The following ELMO1 variants were observed in gnomAD, a reference collection of about 807,000 sequenced individuals.
ELMO1 encodes the protein engulfment and cell motility 1.
ELMO1 carries 26 observed loss-of-function variants against 98.9 expected under a neutral mutation model. The ratio of observed to expected loss-of-function variants is 0.26; its 90% CI spans 0.19 to 0.36. The LOEUF (loss-of-function observed/expected upper bound fraction) is 0.36. ELMO1 is among the 10% of genes least tolerant of loss of function. The pLI is 1.00. For missense variants in ELMO1, 627 were observed against 935.2 expected (o/e 0.67, Z 4.30); for synonymous variants, 346 against 346.0 (o/e 1.00, Z 0.00).
chr7:37,007,175 G>A (rs1793193899), intron 16 of ELMO1, among the ~76,000 whole-genome samples: 1 of 152,126 alleles, frequency 6.6e-6, no homozygotes, highest in South Asian at 2.1e-4. Context: ...TGAAACATCA[G>A]AAGCCTTTTG....
At chr7:37,122,622 C>A (rs1213101417) in intron 14 of ELMO1, among the ~76,000 whole-genome samples, 1 of 152,138 alleles carries the variant, frequency 6.6e-6, no homozygotes, top group Non-Finnish European at 1.5e-5. Context: ...TACAGGAGCA[C>A]CAGATTCATA....
chr7:37,007,131 T>C (rs1793190171), intron 16 of ELMO1, among the ~76,000 whole-genome samples: 1 of 152,046 alleles, frequency 6.6e-6, no homozygotes, highest in Admixed American at 6.6e-5. Flanking sequence ...CTAGAGGAGG[T>C]TCCACTGCCT....
chr7:36,856,060 C>G (rs1584255151), intron 21 of ELMO1, among the ~76,000 whole-genome samples: 1 of 152,202 alleles, frequency 6.6e-6, no homozygotes, highest in Admixed American at 6.5e-5. Context: ...TCTGTAACAG[C>G]TGAGGATTGG....
At chr7:36,920,688 T>G (rs1785077447) in intron 16 of ELMO1, among the ~76,000 whole-genome samples, 1 of 152,214 alleles carries the variant, frequency 6.6e-6, no homozygotes, top group Admixed American at 6.5e-5. Context: ...CATGGTAATT[T>G]AAGAACAGAA....
chr7:36,856,541 C>A (rs1802209355), intron 21 of ELMO1, among the ~76,000 whole-genome samples: 1 of 152,178 alleles, frequency 6.6e-6, no homozygotes, highest in Non-Finnish European at 1.5e-5. Context: ...GAGTCTGATT[C>A]TTCTCCTTTC....
intron 1 of ELMO1, among the ~76,000 whole-genome samples, chr7:37,394,917 G>A (rs945852112): frequency 6.6e-6 from 1 of 152,138 alleles, no homozygotes; most frequent in African/African-American, 2.4e-5. Context: ...ATGTTTCAAG[G>A]TCAAAGTTTG....
intron 18 of ELMO1, among the ~76,000 whole-genome samples, chr7:36,879,547 A>C (rs762986794): frequency 2.6e-5 from 4 of 152,250 alleles, no homozygotes; most frequent in Non-Finnish European, 5.9e-5. Context: ...CTTTTAATAG[A>C]AATAGAAGTT....
chr7:37,103,254 C>T (rs1205085537), intron 14 of ELMO1, among the ~76,000 whole-genome samples: 1 of 152,114 alleles, frequency 6.6e-6, no homozygotes, highest in East Asian at 1.9e-4. Flanking sequence ...AAAAGCACGA[C>T]AGAAAACAAA....
chr7:37,303,072 C>T (rs1798428812), intron 4 of ELMO1, among the ~76,000 whole-genome samples: 1 of 152,124 alleles, frequency 6.6e-6, no homozygotes, highest in Non-Finnish European at 1.5e-5. Flanking sequence ...GCCCCCTATG[C>T]CTGCCCTTGG....
chr7:37,175,031 G>A (rs189770916), intron 13 of ELMO1, among the ~76,000 whole-genome samples: 20 of 152,220 alleles, frequency 1.3e-4, no homozygotes, highest in African/African-American at 4.6e-4. Context: ...AGTGGGACCC[G>A]AGATAAAGTG....
chr7:37,212,325 T>C (rs1193678664), intron 12 of ELMO1, among the ~76,000 whole-genome samples: 1 of 152,152 alleles, frequency 6.6e-6, no homozygotes, highest in Non-Finnish European at 1.5e-5. Flanking sequence ...TTCCTAACAA[T>C]GTGAATGTAC....
At chr7:37,074,814 G>C (rs1336584261) in intron 15 of ELMO1, among the ~76,000 whole-genome samples, 1 of 152,186 alleles carries the variant, frequency 6.6e-6, no homozygotes, top group Non-Finnish European at 1.5e-5. Context: ...CAAAATGCAA[G>C]CTGATTTTGG....
intron 2 of ELMO1, 145 bp from the exon 3 acceptor site, chr7:37,316,105 T>C (rs1562606765): frequency 1.5e-6 from 1 of 667,404 alleles, no homozygotes; most frequent in East Asian, 2.7e-5. Context: ...GTCTCTTATT[T>C]TTCTCAAGGT....
chr7:37,185,923 T>C (rs554243745), intron 13 of ELMO1, among the ~76,000 whole-genome samples: 1 of 152,326 alleles, frequency 6.6e-6, no homozygotes, highest in South Asian at 2.1e-4. Context: ...ATACAATCCC[T>C]ATCAGTAACT....
chr7:37,356,957 C>T (rs1801522234), intron 1 of ELMO1, among the ~76,000 whole-genome samples: 1 of 152,136 alleles, frequency 6.6e-6, no homozygotes, highest in Non-Finnish European at 1.5e-5. Context: ...TCTTCCTTCT[C>T]CCCAAAGACC....
intron 1 of ELMO1, among the ~76,000 whole-genome samples, chr7:37,392,949 T>C (rs1430691919): frequency 6.6e-6 from 1 of 152,154 alleles, no homozygotes; most frequent in Non-Finnish European, 1.5e-5. Flanking sequence ...CTCCTGAGGG[T>C]TGCTGAGAAA....
At chr7:36,973,260 T>C (rs897989639) in intron 16 of ELMO1, among the ~76,000 whole-genome samples, 1 of 152,240 alleles carries the variant, frequency 6.6e-6, no homozygotes, top group Non-Finnish European at 1.5e-5. Flanking sequence ...TTCTGCCTCC[T>C]GGAGCGAGAC....
chr7:36,949,384 G>C (rs1356590413), intron 16 of ELMO1, among the ~76,000 whole-genome samples: 2 of 152,002 alleles, frequency 1.3e-5, no homozygotes, highest in African/African-American at 4.8e-5. Context: ...TGAAAAGACA[G>C]GTGGGACTTC....
At chr7:37,226,154 C>T (rs570601383) in intron 8 of ELMO1, among the ~76,000 whole-genome samples, 1 of 152,232 alleles carries the variant, frequency 6.6e-6, no homozygotes, top group Non-Finnish European at 1.5e-5. Flanking sequence ...ACTCTGCCTA[C>T]CCCAGCTACA....
Sources: allele counts gnomAD v4.1 joint callset (sites outside exome capture counted in the v4.1 genomes callset), GRCh38; gene constraint gnomAD v4.1.1; transcripts MANE v1.5; gene names NCBI Gene and HGNC (gene_info 2026-07-23, HGNC 2026-07-21).